ASAP3: variants seen among roughly 807,000 people sequenced by gnomAD.
ASAP3 encodes arf-GAP with SH3 domain, ANK repeat and PH domain-containing protein 3.
A neutral mutation model predicts 118.2 loss-of-function variants in ASAP3; 85 were observed. That is an observed-to-expected ratio of 0.72 (90% CI 0.60 to 0.86). The LOEUF (loss-of-function observed/expected upper bound fraction) is 0.86, where lower values mean the gene tolerates loss of function less well. Ranked by LOEUF, ASAP3 falls within the 40% of genes least tolerant of loss-of-function variation. ASAP3 has a pLI of 0.00. For synonymous variants in ASAP3, 432 were observed against 477.4 expected (o/e 0.90, Z 1.24); for missense variants, 1,026 against 1,175.0 (o/e 0.87, Z 1.85).
At chr1:23,451,614 G>C in intron 4 of ASAP3, 86 bp from the exon 5 acceptor site, 2 of 1,420,884 alleles carry the variant, frequency 1.4e-6, no homozygotes, top group Non-Finnish European at 9.9e-7. Flanking sequence ...AGGAGGACCT[G>C]CTAGTGTGCT....
chr1:23,435,533 A>G (rs1640606027), intron 17 of ASAP3, among the ~76,000 whole-genome samples: 1 of 152,328 alleles, frequency 6.6e-6, no homozygotes, highest in East Asian at 1.9e-4. Flanking sequence ...TTGCATGCCC[A>G]TTGTACACTA....
At chr1:23,450,218 A>T (rs551919417) in intron 5 of ASAP3, among the ~76,000 whole-genome samples, 1 of 152,346 alleles carries the variant, frequency 6.6e-6, no homozygotes, top group East Asian at 1.9e-4. Context: ...AAGCTCCAGG[A>T]TCTACTTCTT....
chr1:23,454,658 C>T (rs192084792), intron 3 of ASAP3, among the ~76,000 whole-genome samples: 3 of 152,300 alleles, frequency 2.0e-5, no homozygotes, highest in Admixed American at 6.5e-5. Context: ...GGACAGTGTA[C>T]GAGGCACAGC....
intron 1 of ASAP3, among the ~76,000 whole-genome samples, chr1:23,457,068 G>A (rs147948568): frequency 1.8e-3 from 267 of 152,268 alleles, no homozygotes; most frequent in African/African-American, 6.1e-3. Flanking sequence ...AAATCCTTGC[G>A]AAATGCACAG....
At position 23,452,809 on chromosome 1, in the gene ASAP3, A is replaced by T. The variant is rs77804808; in HGVS notation, c.349-38T>A. 3.5e-3 allele frequency: 5,546 copies of T among 1,597,540 alleles called. 166 individuals carry two copies. The African/African-American group carries it at 0.063, about 18-fold the overall frequency. On this transcript the variant is annotated intron_variant, in intron 3 of 24. Coordinates refer to ENST00000336689, the MANE Select transcript of ASAP3 (RefSeq NM_017707.4). Reference sequence around the variant, plus strand: ...GAGACGCTCATTCCCGCCTCAGGTGACCGGCATCCAGCCCCTAGGGATTCG... The same window carrying T: ...GAGACGCTCATTCCCGCCTCAGGTGTCCGGCATCCAGCCCCTAGGGATTCG...
intron 1 of ASAP3, among the ~76,000 whole-genome samples, chr1:23,476,854 T>A (rs1026630571): frequency 3.9e-5 from 6 of 152,254 alleles, no homozygotes; most frequent in African/African-American, 1.4e-4. Flanking sequence ...TTATTCTCTA[T>A]GAATGCTCCT....
Position 23,433,189 on chromosome 1 carries a change from G to A in ASAP3, c.2211C>T (p.Ala737=), listed in dbSNP as rs764159347. 36 of 1,614,048 alleles carry A rather than the reference G, an allele frequency of 2.2e-5. No individual in the cohort carries two copies. Among genetic ancestry groups the A allele is most frequent in the Non-Finnish European group, 3.1e-5 (36 of 1,180,038 alleles). The change falls in exon 22 of 25, where the codon GCC becomes GCT. Residue 737 remains alanine, a synonymous_variant. Coordinates refer to ENST00000336689, the MANE Select transcript of ASAP3 (RefSeq NM_017707.4). The part of the protein sequence containing the change: ...DISNKTYETV[A]SLGAATPQGE... ...CCTGAGGGGTGGCTGCTCCCAGGCT[G>A]GCGACAGTCTCATAGGTCTTGTTGC...
intron 1 of ASAP3, among the ~76,000 whole-genome samples, chr1:23,479,250 C>T (rs752786669): frequency 6.6e-6 from 1 of 151,158 alleles, no homozygotes; most frequent in South Asian, 2.1e-4. Flanking sequence ...GATGAATGAG[C>T]GAAAGCACTG....
chr1:23,467,344 A>T (rs1166733080), intron 1 of ASAP3, among the ~76,000 whole-genome samples: 2 of 152,140 alleles, frequency 1.3e-5, no homozygotes, highest in Non-Finnish European at 2.9e-5. Context: ...CTGGGACTAC[A>T]GGCGTGAGCC....
intron 1 of ASAP3, among the ~76,000 whole-genome samples, chr1:23,461,549 T>C (rs1028968352): frequency 1.3e-5 from 2 of 151,868 alleles, no homozygotes; most frequent in Non-Finnish European, 2.9e-5. Flanking sequence ...TAATTCCAGC[T>C]ACTCAGGAGG....
At chr1:23,476,029 T>A (rs1244259016) in intron 1 of ASAP3, among the ~76,000 whole-genome samples, 3 of 151,764 alleles carry the variant, frequency 2.0e-5, no homozygotes, top group Admixed American at 6.6e-5. Flanking sequence ...GATTTCCCCT[T>A]CTCGGTATAT....
chr1:23,438,885 ATTC>A lies in ASAP3; in HGVS notation c.1015-54_1015-52del. On this transcript the variant is annotated intron_variant, in intron 11 of 24. Transcript: ENST00000336689. The surrounding 1 kb of genome is among the most constrained non-coding windows in gnomAD (Gnocchi z 4.9). ...GTATGCATTACCTCTGGCCCTCCACATTCTTTAGGCCTCCATTTCCCACTCTGT... is the reference window on the plus strand; with the variant it reads ...GTATGCATTACCTCTGGCCCTCCACATTTAGGCCTCCATTTCCCACTCTGT... The A allele has an allele frequency of 2.6e-6, 4 of 1,556,438 alleles. No individual in the cohort carries two copies. The highest frequency in any genetic ancestry group is 3.5e-6 in the Non-Finnish European group (4 of 1,128,436).
chr1:23,447,268 G>C (rs116524683), intron 5 of ASAP3, among the ~76,000 whole-genome samples: 1 of 152,146 alleles, frequency 6.6e-6, no homozygotes, highest in African/African-American at 2.4e-5. Context: ...TACTATTGCA[G>C]TGCTTGTGTT....
chr1:23,453,919 A>G (rs545820342), intron 3 of ASAP3, among the ~76,000 whole-genome samples: 1 of 152,336 alleles, frequency 6.6e-6, no homozygotes, highest in South Asian at 2.1e-4. Context: ...AACCCCTGGT[A>G]CAATGTCCAC....
chr1:23,431,838 G>C lies in ASAP3; in HGVS notation c.2404C>G (p.Leu802Val). The C allele has an allele frequency of 1.9e-6, 3 of 1,588,268 alleles. No homozygotes were observed. The highest frequency in any genetic ancestry group is 2.6e-6 in the Non-Finnish European group (3 of 1,172,018). Residue 802 changes from leucine to valine, a missense_variant, in exon 23 of 25, where the codon CTG becomes GTG. Coordinates refer to ENST00000336689, the MANE Select transcript of ASAP3 (RefSeq NM_017707.4). ...SLGSPASSSS[L>V]MSPLEPGDPS... Reference sequence around the variant, plus strand: ...TCCCCAGGTTCCAAGGGGCTCATCAGACTGGAGGAGGAGGCTGGACTGCCC... The same window carrying C: ...TCCCCAGGTTCCAAGGGGCTCATCACACTGGAGGAGGAGGCTGGACTGCCC...
intron 1 of ASAP3, among the ~76,000 whole-genome samples, chr1:23,475,372 T>A (rs1642095538): frequency 6.6e-6 from 1 of 152,214 alleles, no homozygotes; most frequent in South Asian, 2.1e-4. Context: ...CAGCCCCAGT[T>A]TTCCAACTTC....
In ASAP3 at chr1:23,452,963, G is replaced by C. The variant is rs578068; in HGVS notation, c.349-192C>G. ...CATGGCAGGAGTGCTGAGCCTGCGG[G>C]GGGGGACTAGAGGATCCAGCTCTGG... On this transcript the variant is annotated intron_variant, in intron 3 of 24. Coordinates refer to ENST00000336689, the MANE Select transcript of ASAP3 (RefSeq NM_017707.4). 1.4e-3 allele frequency among the ~76,000 whole-genome samples: 211 copies of C among 152,222 alleles called. 2 individuals are homozygous for C. The highest frequency in any genetic ancestry group is 4.2e-3 in the African/African-American group (174 of 41,546).
intron 17 of ASAP3, 101 bp downstream of exon 17, chr1:23,435,750 T>A: frequency 7.6e-7 from 1 of 1,313,464 alleles, no homozygotes; most frequent in East Asian, 2.3e-5. Flanking sequence ...TCTGAGCAGA[T>A]GTCAGAGGTG....
In ASAP3 at chr1:23,436,957, C is replaced by T. The variant is rs778593616; in HGVS notation, c.1430G>A (p.Arg477His). The T allele has an allele frequency of 6.2e-7, 1 of 1,612,260 alleles. No individual in the cohort carries two copies. Among genetic ancestry groups the T allele is most frequent in the South Asian group, 1.1e-5 (1 of 90,962 alleles). Residue 477 changes from arginine (R) to histidine (H), a missense_variant, in exon 15 of 25, where the codon CGC becomes CAC. Coordinates refer to ENST00000336689, the MANE Select transcript of ASAP3 (RefSeq NM_017707.4). This position sits in a 1 kb window ranked among gnomAD's most constrained non-coding sequence, Gnocchi z 4.2. ...CAGGTCCAAGGTGAGTGACTGCATG[C>T]GCGAAAAGCGCACGCCCAGTTCGCG... ...VHRELGVRFS[R>H]MQSLTLDLLG...
Sources: allele counts gnomAD v4.1 joint callset (sites outside exome capture counted in the v4.1 genomes callset), GRCh38; gene constraint gnomAD v4.1.1; non-coding constraint Gnocchi (gnomAD v3.1); transcripts MANE v1.5; gene names NCBI Gene and HGNC (gene_info 2026-07-23, HGNC 2026-07-21).